The following TEX14 variants were observed in gnomAD, a reference collection of about 807,000 sequenced individuals.
TEX14 encodes the protein inactive serine/threonine-protein kinase TEX14.
TEX14 carries 168 observed loss-of-function variants against 178.6 expected under a neutral mutation model. The observed-to-expected ratio is 0.94, with a 90% confidence interval of 0.83 to 1.07. The LOEUF is 1.07. Ranked by LOEUF, TEX14 falls within the 50% of genes least tolerant of loss-of-function variation. TEX14 has a pLI of 0.00. For synonymous variants in TEX14, 626 were observed against 634.1 expected, an observed-to-expected ratio of 0.99 and a Z score of 0.19; for missense variants, 1,730 against 1,753.6, an observed-to-expected ratio of 0.99 and a Z score of 0.24.
chr17:58,619,591 T>C (rs1389508431), intron 5 of TEX14, among the ~76,000 whole-genome samples: 1 of 152,066 alleles, frequency 6.6e-6, no homozygotes, highest in Non-Finnish European at 1.5e-5. Context: ...GCGGATCACC[T>C]GAGGTCAGGA....
At chr17:58,606,053 T>A (rs1161602389) in intron 10 of TEX14, among the ~76,000 whole-genome samples, 1 of 152,216 alleles carries the variant, frequency 6.6e-6, no homozygotes, top group Non-Finnish European at 1.5e-5. Context: ...CTCCTCATGA[T>A]TATTTCTTTT....
intron 22 of TEX14, 110 bp from the exon 23 acceptor site, chr17:58,573,418 C>T (rs1280592570): frequency 5.2e-6 from 5 of 967,856 alleles, no homozygotes; most frequent in Middle Eastern, 3.1e-4. Flanking sequence ...TTGTATGTGG[C>T]AATAGGCCAG....
intron 17 of TEX14, 146 bp downstream of exon 17, chr17:58,587,435 G>T: frequency 2.0e-6 from 1 of 503,326 alleles, no homozygotes; most frequent in East Asian, 3.6e-5. Context: ...CTTTTAAAAT[G>T]AAATATAATA....
chr17:58,630,447 G>C lies in TEX14; in HGVS notation c.244C>G (p.Pro82Ala), dbSNP rs946884060. ...VDVLVDYGSD[P>A]NHRCFDGSTP... is the part of the protein sequence containing the mutation. ...CAATATTATTGTACTTACTGATTTG[G>C]ATCTGATCCATAATCCACCAGAACA... is the stretch of plus-strand genomic sequence containing the variant. Residue 82 changes from proline (P) to alanine (A), a missense_variant, in exon 3 of 32, where the codon CCA becomes GCA. Around this residue, in one of 2 missense-constraint regions of TEX14, gnomAD observed 789 missense variants for 681.2 expected, o/e 1.16. Transcript: ENST00000349033. The C allele has an allele frequency of 1.2e-6, 2 of 1,607,466 alleles. No homozygotes were observed. The highest frequency in any genetic ancestry group is 2.7e-5 in the African/African-American group (2 of 74,756).
intron 6 of TEX14, 78 bp from the exon 7 acceptor site, chr17:58,616,383 T>C (rs2045873716): frequency 6.5e-7 from 1 of 1,541,142 alleles, no homozygotes. Flanking sequence ...ATCAGCCAGC[T>C]AAAAGAATGA....
intron 8 of TEX14, among the ~76,000 whole-genome samples, chr17:58,614,720 G>C (rs913180578): frequency 6.6e-5 from 10 of 152,214 alleles, no homozygotes; most frequent in African/African-American, 2.4e-4. Flanking sequence ...TCCACTGAAT[G>C]AATGAATCAA....
At chr17:58,645,404 G>C (rs559034167) in intron 2 of TEX14, among the ~76,000 whole-genome samples, 1 of 151,870 alleles carries the variant, frequency 6.6e-6, no homozygotes, top group Non-Finnish European at 1.5e-5. Context: ...TGCTGCCCAG[G>C]CTGGAGTGCA....
chr17:58,623,359 A>G (rs2046049362), intron 3 of TEX14, among the ~76,000 whole-genome samples: 1 of 152,294 alleles, frequency 6.6e-6, no homozygotes, highest in Non-Finnish European at 1.5e-5. Flanking sequence ...GCACTCTGAT[A>G]TTGGCTGCCC....
At chr17:58,560,607 TGCAA>T (rs1242395016) in intron 29 of TEX14, among the ~76,000 whole-genome samples, 1 of 152,250 alleles carries the variant, frequency 6.6e-6, no homozygotes, top group African/African-American at 2.4e-5. Context: ...CTCTTCACTT[TGCAA>T]TATTTCAGGT....
At chr17:58,668,692 T>C (rs984943978) in intron 1 of TEX14, among the ~76,000 whole-genome samples, 1 of 152,214 alleles carries the variant, frequency 6.6e-6, no homozygotes, top group Non-Finnish European at 1.5e-5. Context: ...AGGACTTCTT[T>C]TTTTTATTTT....
In TEX14 at chr17:58,584,490, T is replaced by C. The variant is rs769260941; in HGVS notation, c.3171+10A>G. ...GGGTTCAACTTGGCTTTCCAGGCAG[T>C]ATTACTTACACTGTAAGATTTCTCT... On this transcript the variant is annotated intron_variant, in intron 19 of 31. Transcript: ENST00000349033. The C allele has an allele frequency of 6.2e-7, 1 of 1,602,234 alleles. No homozygotes were observed. Among genetic ancestry groups the C allele is most frequent in the Admixed American group, 1.7e-5 (1 of 60,006 alleles).
intron 14 of TEX14, among the ~76,000 whole-genome samples, chr17:58,594,350 C>A (rs555537822): frequency 1.8e-3 from 273 of 151,018 alleles, no homozygotes; most frequent in African/African-American, 6.3e-3. Flanking sequence ...ATAAGAGAAT[C>A]TTTTTCTTTT....
chr17:58,576,682 C>G (rs890137702), intron 21 of TEX14, among the ~76,000 whole-genome samples: 16 of 152,158 alleles, frequency 1.1e-4, no homozygotes, highest in African/African-American at 3.6e-4. Flanking sequence ...CCTCCTTTCC[C>G]CACCCCTTCC....
intron 1 of TEX14, among the ~76,000 whole-genome samples, chr17:58,669,791 C>G (rs1457300174): frequency 6.8e-6 from 1 of 147,286 alleles, no homozygotes; most frequent in South Asian, 2.2e-4. Flanking sequence ...TGAGGTTTAG[C>G]AAGAAGCACC....
At chr17:58,584,795 G>A (rs911592029) in intron 18 of TEX14, among the ~76,000 whole-genome samples, 195 bp from the exon 19 acceptor site, 3 of 152,164 alleles carry the variant, frequency 2.0e-5, no homozygotes, top group African/African-American at 7.2e-5. Flanking sequence ...TGGATCATCT[G>A]CCCACCCATT....
Position 58,581,598 on chromosome 17 carries a change from C to T in TEX14, c.3172-1867G>A, listed in dbSNP as rs370906315. 4.2e-5 allele frequency: 67 copies of T among 1,612,802 alleles called. No homozygotes were observed. The African/African-American group carries it at 8.0e-4, about 19-fold the overall frequency. ...AGGTGAAAAGGTACTTTACCCTGAA[C>T]TGCGTTTTTTACCTCTAGAGCTAAG... On this transcript the variant is annotated intron_variant, in intron 19 of 31. Coordinates refer to ENST00000349033, the MANE Select transcript of TEX14 (RefSeq NM_031272.5).
chr17:58,669,130 T>A (rs896369912), intron 1 of TEX14, among the ~76,000 whole-genome samples: 2 of 152,004 alleles, frequency 1.3e-5, no homozygotes, highest in Admixed American at 1.3e-4. Context: ...GGTGGGCAGA[T>A]CACCTGAGGT....
chr17:58,630,120 G>A (rs1296677989), intron 3 of TEX14, among the ~76,000 whole-genome samples: 4 of 151,088 alleles, frequency 2.6e-5, no homozygotes, highest in African/African-American at 7.3e-5. Flanking sequence ...ACAATGGCGC[G>A]ATCTCGGCTC....
intron 10 of TEX14, among the ~76,000 whole-genome samples, chr17:58,606,120 T>G (rs1237626121): frequency 6.6e-6 from 1 of 152,198 alleles, no homozygotes; most frequent in Admixed American, 6.5e-5. Flanking sequence ...AAGGGTTCAC[T>G]CATATGCTTA....
Sources: gnomAD v4.1 joint callset for allele counts (sites outside exome capture counted in the v4.1 genomes callset) on GRCh38, gnomAD v4.1.1 for gene constraint, gnomAD v4.1.1 regional missense constraint, MANE v1.5 for transcripts, NCBI Gene and HGNC (gene_info 2026-07-23, HGNC 2026-07-21) for gene names.